PLCL2: variants seen among roughly 807,000 people sequenced by gnomAD.
The protein encoded by PLCL2 is inactive phospholipase C-like protein 2.
In PLCL2, 4 loss-of-function variants were observed where a neutral mutation model predicts 79.6. That is an observed-to-expected ratio of 0.05 (90% CI 0.02 to 0.11). The LOEUF (loss-of-function observed/expected upper bound fraction) is 0.11. PLCL2 is among the 10% of genes least tolerant of loss of function. The probability of loss-of-function intolerance (pLI) is 1.00; values close to 1 mark genes in which losing one functional copy is unlikely to be tolerated. For synonymous variants in PLCL2, 484 were observed against 457.7 expected (o/e 1.06, Z -0.73); for missense variants, 895 against 1,291.0 (o/e 0.69, Z 4.70).
chr3:17,051,866 A>G (rs1178085141), intron 4 of PLCL2, among the ~76,000 whole-genome samples: 2 of 152,152 alleles, frequency 1.3e-5, no homozygotes, highest in Non-Finnish European at 2.9e-5. Context: ...ATATTGGACA[A>G]TGCCCTTGGT....
chr3:16,949,559 T>C (rs2063632048), intron 1 of PLCL2, among the ~76,000 whole-genome samples: 1 of 152,216 alleles, frequency 6.6e-6, no homozygotes, highest in Admixed American at 6.5e-5. Flanking sequence ...TGTTTCTTCC[T>C]CTGTGGCATG....
chr3:16,966,640 G>C (rs986385719), intron 1 of PLCL2, among the ~76,000 whole-genome samples: 1 of 151,874 alleles, frequency 6.6e-6, no homozygotes, highest in Non-Finnish European at 1.5e-5. Context: ...GAATCCTTCT[G>C]GTCCTGGACT....
Position 17,011,809 on chromosome 3 carries a change from G to A in PLCL2, c.2463G>A (p.Leu821=). ...FDESFEFQIN[L]PELAMVRFVV... ...AAAGCTTTGAATTTCAAATCAACCT[G>A]CCTGAACTGGCCATGGTGCGCTTTG... Residue 821 remains leucine (L), a synonymous_variant, in exon 2 of 6, where the codon CTG becomes CTA. Transcript: ENST00000615277. This position sits in a 1 kb window ranked among gnomAD's most constrained non-coding sequence, Gnocchi z 7.9. 6.2e-7 allele frequency: 1 copy of A among 1,614,200 alleles called. No homozygotes were observed. Among genetic ancestry groups the A allele is most frequent in the African/African-American group, 1.3e-5 (1 of 75,056 alleles).
At chr3:17,002,123 T>G (rs2064217879) in intron 1 of PLCL2, among the ~76,000 whole-genome samples, 1 of 152,130 alleles carries the variant, frequency 6.6e-6, no homozygotes, top group Non-Finnish European at 1.5e-5. Flanking sequence ...ATTGCTTTCT[T>G]GATTTCACTA....
intron 1 of PLCL2, among the ~76,000 whole-genome samples, chr3:16,929,515 T>G (rs186298775): frequency 1.1e-3 from 171 of 152,274 alleles, no homozygotes; most frequent in African/African-American, 4.0e-3. Flanking sequence ...AGAGAAAGCC[T>G]CCCAAATCTA....
intron 5 of PLCL2, chr3:17,081,305 C>A (rs945172533): frequency 8.8e-6 from 4 of 455,038 alleles, no homozygotes; most frequent in African/African-American, 6.0e-5. Context: ...TGTCTGCTGG[C>A]CCCCAGGGAA....
intron 1 of PLCL2, among the ~76,000 whole-genome samples, chr3:16,909,946 G>C (rs891305369): frequency 6.6e-6 from 1 of 152,054 alleles, no homozygotes; most frequent in Non-Finnish European, 1.5e-5. Flanking sequence ...CACACACACA[G>C]ATTCTGCCTT....
At chr3:16,904,044 A>G (rs1696691931) in intron 1 of PLCL2, among the ~76,000 whole-genome samples, 1 of 152,194 alleles carries the variant, frequency 6.6e-6, no homozygotes. Context: ...TTGAACTCTA[A>G]CATTGTGATG....
Position 17,089,753 on chromosome 3 carries a change from A to G in PLCL2, c.3225A>G (p.Lys1075=). The stretch of plus-strand genomic sequence containing the variant: ...TATAGGGACAAGCAGATCTTTTGAA[A>G]TATGCTAAGAATGAGACATTGGAGA... The part of the protein sequence containing the change: ...TILKGQADLL[K]YAKNETLENL... Residue 1075 remains lysine, a synonymous_variant, in exon 6 of 6, where the codon AAA becomes AAG. Transcript: ENST00000615277. 1 of 1,609,230 alleles carries G rather than the reference A, an allele frequency of 6.2e-7. No individual in the cohort carries two copies. Among genetic ancestry groups the G allele is most frequent in the East Asian group, 2.2e-5 (1 of 44,848 alleles).
At chr3:17,002,022 T>A (rs945924571) in intron 1 of PLCL2, among the ~76,000 whole-genome samples, 6 of 152,142 alleles carry the variant, frequency 3.9e-5, no homozygotes, top group African/African-American at 1.4e-4. Flanking sequence ...CTTCTTCAGT[T>A]TCATTAGTGC....
At chr3:16,973,554 A>T (rs2063895361) in intron 1 of PLCL2, among the ~76,000 whole-genome samples, 1 of 152,168 alleles carries the variant, frequency 6.6e-6, no homozygotes. Context: ...ATGCTTTAAG[A>T]TAGTAAAGTG....
chr3:16,972,516 T>G (rs919239565), intron 1 of PLCL2, among the ~76,000 whole-genome samples: 1 of 152,126 alleles, frequency 6.6e-6, no homozygotes, highest in Admixed American at 6.6e-5. Flanking sequence ...TGTTAAGTGT[T>G]AAGTTCAAGT....
At chr3:16,965,379 T>TATG (rs1230060445) in intron 1 of PLCL2, among the ~76,000 whole-genome samples, 4 of 152,270 alleles carry the variant, frequency 2.6e-5, no homozygotes, top group Non-Finnish European at 5.9e-5. Flanking sequence ...CATTGGTCTA[T>TATG]ATGTCTGTTT....
chr3:17,011,300 C>T lies in PLCL2; in HGVS notation c.1954C>T (p.Leu652Phe). ...GGAAGTCTGTTCCTTTAATGAAGTG[C>T]TTGCCAGCAAGTACGCCAATGAAAA... Reference protein sequence around the residue: ...YWEVCSFNEVLASKYANENPG... With the variant: ...YWEVCSFNEVFASKYANENPG... Residue 652 changes from leucine to phenylalanine, a missense_variant, in exon 2 of 6, where the codon CTT (leucine) becomes TTT (phenylalanine). By Grantham distance (22) the Leu-to-Phe change is conservative. Around this residue, in one of 6 missense-constraint regions of PLCL2, gnomAD observed 242 missense variants for 399.5 expected, o/e 0.61. Coordinates refer to ENST00000615277, the MANE Select transcript of PLCL2 (RefSeq NM_001144382.2). The surrounding 1 kb of genome is among the most constrained non-coding windows in gnomAD (Gnocchi z 7.9). 1.2e-6 allele frequency: 2 copies of T among 1,614,212 alleles called. No individual in the cohort carries two copies. The highest frequency in any genetic ancestry group is 1.7e-6 in the Non-Finnish European group (2 of 1,180,032).
intron 1 of PLCL2, among the ~76,000 whole-genome samples, chr3:16,993,596 G>A (rs1289705530): frequency 1.3e-5 from 2 of 152,108 alleles, no homozygotes; most frequent in South Asian, 2.1e-4. Context: ...TTTAATAAGG[G>A]GATTTGGTAA....
At chr3:17,059,328 G>A (rs1268477069) in intron 4 of PLCL2, among the ~76,000 whole-genome samples, 12 of 148,816 alleles carry the variant, frequency 8.1e-5, no homozygotes, top group South Asian at 2.1e-4. Context: ...GCAGTGAGCC[G>A]AGATTGCACC....
chr3:16,944,731 T>C (rs1490330628), intron 1 of PLCL2, among the ~76,000 whole-genome samples: 3 of 151,826 alleles, frequency 2.0e-5, no homozygotes, highest in African/African-American at 2.4e-5. Flanking sequence ...TTGAGGACTT[T>C]AGTTAATAAA....
chr3:16,967,595 C>T (rs1559501865), intron 1 of PLCL2, among the ~76,000 whole-genome samples: 1 of 151,872 alleles, frequency 6.6e-6, no homozygotes, highest in Non-Finnish European at 1.5e-5. Flanking sequence ...GTGTCCTTTG[C>T]CTACTTTTTA....
At chr3:17,032,547 T>G (rs1164882409) in intron 3 of PLCL2, among the ~76,000 whole-genome samples, 1 of 152,138 alleles carries the variant, frequency 6.6e-6, no homozygotes, top group Non-Finnish European at 1.5e-5. Flanking sequence ...CTGTTTTTCC[T>G]TATCTTTGCT....
Sources: gnomAD v4.1 joint callset for allele counts (sites outside exome capture counted in the v4.1 genomes callset) on GRCh38, gnomAD v4.1.1 for gene constraint, gnomAD v4.1.1 regional missense constraint, Gnocchi (gnomAD v3.1) non-coding constraint, MANE v1.5 for transcripts, NCBI Gene and HGNC (gene_info 2026-07-23, HGNC 2026-07-21) for gene names.